The following TPRG1 variants were observed in gnomAD, a reference collection of about 807,000 sequenced individuals.
TPRG1 encodes tumor protein p63 regulated 1.
Under a neutral mutation model 29.3 loss-of-function variants are expected in TPRG1, and 29 were observed. That is an observed-to-expected ratio of 0.99 (90% CI 0.74 to 1.35). The LOEUF (loss-of-function observed/expected upper bound fraction) is 1.35. Ranked by LOEUF, TPRG1 falls within the 40% of genes most tolerant of loss-of-function variation. TPRG1 has a pLI of 0.00. For missense variants in TPRG1, 327 were observed against 335.0 expected (o/e 0.98, Z 0.19); for synonymous variants, 130 against 116.8 (o/e 1.11, Z -0.73).
intron 4 of TPRG1, among the ~76,000 whole-genome samples, chr3:189,305,765 GC>G (rs528489719): frequency 1.3e-3 from 197 of 152,204 alleles, no homozygotes; most frequent in Non-Finnish European, 2.2e-3. Context: ...TCTCCAAAAG[GC>G]CTTCCAACTC....
chr3:189,023,532 A>T (rs1474068185), intron 3 of TPRG1, among the ~76,000 whole-genome samples: 3 of 152,120 alleles, frequency 2.0e-5, no homozygotes, highest in African/African-American at 7.2e-5. Context: ...CCCAGTTCTG[A>T]ACCCTTGCTG....
chr3:189,072,942 ATTG>A (rs1716898041), intron 4 of TPRG1, among the ~76,000 whole-genome samples: 1 of 152,242 alleles, frequency 6.6e-6, no homozygotes, highest in Admixed American at 6.5e-5. Context: ...GCTTCTGTGT[ATTG>A]TTATATGCTT....
At chr3:189,275,631 A>G (rs1351016119) in intron 4 of TPRG1, among the ~76,000 whole-genome samples, 3 of 152,150 alleles carry the variant, frequency 2.0e-5, no homozygotes, top group African/African-American at 7.2e-5. Context: ...GTTTTGCTTG[A>G]ATATAATGAA....
chr3:189,283,810 A>C (rs1490835191), intron 4 of TPRG1, among the ~76,000 whole-genome samples: 1 of 152,206 alleles, frequency 6.6e-6, no homozygotes, highest in Non-Finnish European at 1.5e-5. Flanking sequence ...CGAGGAGACT[A>C]AGTTAGTTAC....
At chr3:189,286,277 A>C (rs1442267108) in intron 4 of TPRG1, among the ~76,000 whole-genome samples, 2 of 152,006 alleles carry the variant, frequency 1.3e-5, no homozygotes, top group African/African-American at 4.8e-5. Flanking sequence ...CCACTGCATT[A>C]GTCTTGTTGC....
upstream of TPRG1, among the ~76,000 whole-genome samples, chr3:189,095,608 C>G (rs1718623485): frequency 6.6e-6 from 1 of 152,136 alleles, no homozygotes; most frequent in Non-Finnish European, 1.5e-5. Context: ...CAAAGCTCCT[C>G]TCTATACTCT....
chr3:189,238,334 G>A (rs551551698), intron 3 of TPRG1, among the ~76,000 whole-genome samples: 22 of 152,288 alleles, frequency 1.4e-4, no homozygotes, highest in Non-Finnish European at 2.2e-4. Context: ...TTTGTGGTAC[G>A]GATTCAGCTA....
chr3:189,092,749 G>A (rs1049823885), intron 4 of TPRG1, among the ~76,000 whole-genome samples: 6 of 152,124 alleles, frequency 3.9e-5, no homozygotes, highest in African/African-American at 1.4e-4. Context: ...CTTATCATAA[G>A]CTAGGGGAGA....
chr3:189,232,329 G>A (rs897317908), intron 3 of TPRG1, among the ~76,000 whole-genome samples: 14 of 152,134 alleles, frequency 9.2e-5, no homozygotes, highest in African/African-American at 1.4e-4. Flanking sequence ...AGAATCATTC[G>A]TACTTTGCAA....
In TPRG1 at chr3:189,206,652, C is replaced by T. The variant is rs533936574; in HGVS notation, c.-9-724C>T. On this transcript the variant is annotated intron_variant, in intron 1 of 5. Coordinates refer to ENST00000345063, the MANE Select transcript of TPRG1 (RefSeq NM_198485.4). ...AGTAGCTGAGACTATGGGCACATTC[C>T]GCCATGTCTGGCTAATTTTTGTATT... Among the ~76,000 whole-genome samples, 14 of 152,094 alleles carry T rather than the reference C, an allele frequency of 9.2e-5. No homozygotes were observed. In the East Asian group the frequency reaches 1.4e-3, roughly 15 times the overall value.
intron 4 of TPRG1, among the ~76,000 whole-genome samples, chr3:189,299,927 G>A (rs1239279813): frequency 1.3e-5 from 2 of 152,214 alleles, no homozygotes; most frequent in African/African-American, 4.8e-5. Context: ...AAAAGGTTGT[G>A]TATCTGGCTG....
chr3:189,268,365 C>G (rs1714494247), intron 4 of TPRG1, among the ~76,000 whole-genome samples: 1 of 152,124 alleles, frequency 6.6e-6, no homozygotes, highest in Non-Finnish European at 1.5e-5. Flanking sequence ...GAGGCGTTCC[C>G]CAAATACCAC....
At chr3:189,231,467 G>C (rs1000509451) in intron 3 of TPRG1, among the ~76,000 whole-genome samples, 3 of 151,836 alleles carry the variant, frequency 2.0e-5, no homozygotes, top group Non-Finnish European at 4.4e-5. Flanking sequence ...AGTGTTTAAG[G>C]GATTTAGAAG....
At chr3:189,147,023 GA>G (rs1205164158) in intron 3 of TPRG1, among the ~76,000 whole-genome samples, 3 of 152,170 alleles carry the variant, frequency 2.0e-5, no homozygotes, top group African/African-American at 7.2e-5. Context: ...TCCATTTATT[GA>G]TAAAGAATTT....
At chr3:189,103,280 A>G (rs997119526) in intron 1 of TPRG1, among the ~76,000 whole-genome samples, 10 of 152,176 alleles carry the variant, frequency 6.6e-5, no homozygotes, top group African/African-American at 2.4e-4. Flanking sequence ...AACAGAGTCT[A>G]TGTATCCCCC....
intron 5 of TPRG1, among the ~76,000 whole-genome samples, 194 bp from the exon 6 acceptor site, chr3:189,320,432 T>C (rs569614364): frequency 6.6e-6 from 1 of 152,236 alleles, no homozygotes; most frequent in East Asian, 1.9e-4. Flanking sequence ...GGAAAGTTAG[T>C]CTTAATGGAC....
chr3:189,110,301 C>G (rs1358511833), intron 1 of TPRG1, among the ~76,000 whole-genome samples: 1 of 152,198 alleles, frequency 6.6e-6, no homozygotes, highest in Non-Finnish European at 1.5e-5. Context: ...AAGTGCATAA[C>G]AGTATCTCAT....
At chr3:189,254,147 G>A (rs1185439365) in intron 4 of TPRG1, among the ~76,000 whole-genome samples, 1 of 152,108 alleles carries the variant, frequency 6.6e-6, no homozygotes, top group Non-Finnish European at 1.5e-5. Context: ...GATTTTTATG[G>A]TTTTAGGTCT....
At chr3:189,163,446 C>G (rs1727747893) in intron 5 of TPRG1, among the ~76,000 whole-genome samples, 1 of 152,144 alleles carries the variant, frequency 6.6e-6, no homozygotes, top group African/African-American at 2.4e-5. Flanking sequence ...GAACCGTGAT[C>G]AACTCTGACA....
Sources: gnomAD v4.1 joint callset for allele counts (sites outside exome capture counted in the v4.1 genomes callset) on GRCh38, gnomAD v4.1.1 for gene constraint, MANE v1.5 for transcripts, NCBI Gene and HGNC (gene_info 2026-07-23, HGNC 2026-07-21) for gene names.